Variants in ARHGAP32 observed in about 807,000 individuals in gnomAD.
ARHGAP32 encodes the protein rho GTPase-activating protein 32.
In ARHGAP32, 51 loss-of-function variants were observed where a neutral mutation model predicts 186.5. The ratio of observed to expected loss-of-function variants is 0.27; its 90% CI spans 0.22 to 0.35. ARHGAP32 has a LOEUF of 0.35. Ranked by LOEUF, ARHGAP32 falls within the 10% of genes least tolerant of loss-of-function variation. ARHGAP32 has a pLI of 1.00. For synonymous variants in ARHGAP32, 950 were observed against 964.3 expected (o/e 0.99, Z 0.27); for missense variants, 2,186 against 2,623.5 (o/e 0.83, Z 3.64).
At chr11:129,020,275 GC>G (rs1475210994) in intron 11 of ARHGAP32, among the ~76,000 whole-genome samples, 5 of 152,002 alleles carry the variant, frequency 3.3e-5, no homozygotes, top group Non-Finnish European at 1.5e-5. Context: ...AGGTTATTAA[GC>G]ATATTAGGTT....
intron 2 of ARHGAP32, among the ~76,000 whole-genome samples, chr11:129,136,024 T>C (rs1342065352): frequency 6.6e-6 from 1 of 152,074 alleles, no homozygotes; most frequent in African/African-American, 2.4e-5. Flanking sequence ...AAATTAAGCA[T>C]TCAAAAAGAT....
At chr11:129,103,824 T>A (rs1055988557) in intron 5 of ARHGAP32, among the ~76,000 whole-genome samples, 2 of 151,994 alleles carry the variant, frequency 1.3e-5, no homozygotes, top group African/African-American at 4.8e-5. Context: ...CATAAAAATA[T>A]TCACAAATAA....
At chr11:129,062,440 T>C (rs1940539231) in intron 9 of ARHGAP32, 83 bp from the exon 10 acceptor site, 4 of 1,163,788 alleles carry the variant, frequency 3.4e-6, no homozygotes, top group African/African-American at 3.0e-5. Flanking sequence ...ATCCGAACTG[T>C]ATGAAAAGGT....
intron 11 of ARHGAP32, chr11:129,023,886 C>A: frequency 3.0e-6 from 3 of 984,324 alleles, no homozygotes; most frequent in Non-Finnish European, 3.6e-6. Flanking sequence ...GTTTTAAGAT[C>A]AATACTTAAA....
At chr11:129,209,543 G>T (rs886911182) in intron 1 of ARHGAP32, among the ~76,000 whole-genome samples, 1 of 151,998 alleles carries the variant, frequency 6.6e-6, no homozygotes, top group Non-Finnish European at 1.5e-5. Flanking sequence ...CACATGCCTT[G>T]ACAGGAGCTG....
At chr11:129,164,517 C>T in intron 1 of ARHGAP32, 90 bp from the exon 2 acceptor site, 1 of 728,832 alleles carries the variant, frequency 1.4e-6, no homozygotes, top group Admixed American at 2.9e-5. Context: ...AGAAAAACTA[C>T]ATGTCAGATT....
intron 11 of ARHGAP32, among the ~76,000 whole-genome samples, chr11:129,018,915 T>A (rs976465515): frequency 2.0e-5 from 3 of 152,178 alleles, no homozygotes; most frequent in African/African-American, 7.2e-5. Context: ...AAAAAGACTT[T>A]AACATAAATA....
chr11:129,090,042 A>G (rs370956721), intron 6 of ARHGAP32, among the ~76,000 whole-genome samples: 3 of 152,244 alleles, frequency 2.0e-5, no homozygotes, highest in Non-Finnish European at 2.9e-5. Context: ...AAGTTACTCA[A>G]CATCAATGAA....
intron 1 of ARHGAP32, among the ~76,000 whole-genome samples, chr11:129,263,447 C>T (rs1436395435): frequency 4.0e-5 from 6 of 151,886 alleles, no homozygotes; most frequent in Admixed American, 3.9e-4. Context: ...TGATGACATA[C>T]AAGTGGCCAA....
intron 1 of ARHGAP32, among the ~76,000 whole-genome samples, chr11:129,201,089 C>A (rs945028343): frequency 6.6e-6 from 1 of 151,988 alleles, no homozygotes; most frequent in Non-Finnish European, 1.5e-5. Flanking sequence ...CACATTAATA[C>A]AAGGATTACA....
intron 1 of ARHGAP32, among the ~76,000 whole-genome samples, chr11:129,263,625 G>C (rs1381459603): frequency 1.3e-5 from 2 of 148,802 alleles, no homozygotes; most frequent in Non-Finnish European, 3.0e-5. Context: ...GGGGAGAGGG[G>C]GAGGGGAGAG....
intron 1 of ARHGAP32, among the ~76,000 whole-genome samples, chr11:129,202,745 G>A (rs930810690): frequency 1.3e-5 from 2 of 152,046 alleles, no homozygotes; most frequent in South Asian, 2.1e-4. Flanking sequence ...ACAAGTACAA[G>A]GATTGCACCA....
chr11:129,115,279 A>G (rs1942334537), intron 5 of ARHGAP32, among the ~76,000 whole-genome samples: 1 of 152,156 alleles, frequency 6.6e-6, no homozygotes, highest in African/African-American at 2.4e-5. Flanking sequence ...ATAATTCTAC[A>G]GCAGAATTAC....
In ARHGAP32 at chr11:129,158,343, C is replaced by T. The variant is rs139367471; in HGVS notation, c.225+5976G>A. Among the ~76,000 whole-genome samples the T allele has an allele frequency of 1.7e-3, 248 of 146,290 alleles. 2 individuals are homozygous for T. The highest frequency in any genetic ancestry group is 5.9e-3 in the African/African-American group (234 of 39,418). ...ATTCAGGAGATTCATCTCACATGCG[C>T]ACATAGGCTCAAAATAAAGGGAAGG... On this transcript the variant is annotated intron_variant, in intron 2 of 22. Coordinates refer to ENST00000682385, the MANE Select transcript of ARHGAP32 (RefSeq NM_001378024.1).
chr11:129,174,238 C>T (rs539724321), intron 1 of ARHGAP32, among the ~76,000 whole-genome samples: 12 of 152,242 alleles, frequency 7.9e-5, no homozygotes, highest in African/African-American at 1.7e-4. Flanking sequence ...TCCGACGGGC[C>T]TAAAAAATGG....
At chr11:129,249,534 A>G (rs758612968) in intron 1 of ARHGAP32, among the ~76,000 whole-genome samples, 1 of 152,144 alleles carries the variant, frequency 6.6e-6, no homozygotes, top group Non-Finnish European at 1.5e-5. Context: ...CTGCTGACTC[A>G]CTGTTACACA....
intron 1 of ARHGAP32, among the ~76,000 whole-genome samples, chr11:129,236,382 C>G (rs1003752065): frequency 9.2e-5 from 14 of 152,082 alleles, no homozygotes; most frequent in African/African-American, 3.1e-4. Context: ...TGAGAACTGT[C>G]TATCCATGTC....
At chr11:129,149,907 A>T (rs1337496972) in intron 2 of ARHGAP32, among the ~76,000 whole-genome samples, 1 of 152,140 alleles carries the variant, frequency 6.6e-6, no homozygotes, top group Non-Finnish European at 1.5e-5. Context: ...AATACAGGAT[A>T]TAGATAGGAA....
intron 1 of ARHGAP32, among the ~76,000 whole-genome samples, chr11:129,224,981 C>T (rs968603723): frequency 2.6e-5 from 4 of 151,830 alleles, no homozygotes; most frequent in South Asian, 2.1e-4. Context: ...TATGATGGTG[C>T]ATACGTGTAG....
Sources: allele counts gnomAD v4.1 joint callset (sites outside exome capture counted in the v4.1 genomes callset), GRCh38; gene constraint gnomAD v4.1.1; transcripts MANE v1.5; gene names NCBI Gene and HGNC (gene_info 2026-07-23, HGNC 2026-07-21).